Variants in C2CD3 observed in about 807,000 individuals in gnomAD.
C2CD3 encodes the protein C2 domain containing 3 centriole elongation regulator, also known as C2 domain-containing protein 3.
C2CD3 carries 148 observed loss-of-function variants against 234.0 expected under a neutral mutation model. The observed-to-expected ratio is 0.63, with a 90% CI of 0.55 to 0.72. The LOEUF is 0.72. Ranked by LOEUF, C2CD3 falls within the 30% of genes least tolerant of loss-of-function variation. The probability of loss-of-function intolerance (pLI) is 0.00; values close to 1 mark genes in which losing one functional copy is unlikely to be tolerated. For missense variants in C2CD3, 2,577 were observed against 2,811.5 expected, an observed-to-expected ratio of 0.92 and a Z score of 1.89; for synonymous variants, 1,000 against 1,035.4, an observed-to-expected ratio of 0.97 and a Z score of 0.66.
At position 74,092,593 on chromosome 11, in the gene C2CD3, A is replaced by G. The variant is rs1955938940; in HGVS notation, c.3345-5T>C. 6.2e-7 allele frequency: 1 copy of G among 1,607,922 alleles called. No homozygotes were observed. Among genetic ancestry groups the G allele is most frequent in the African/African-American group, 1.3e-5 (1 of 74,646 alleles). On this transcript the variant is annotated splice_region_variant and splice_polypyrimidine_tract_variant and intron_variant, in intron 18 of 32. Coordinates refer to ENST00000334126, the MANE Select transcript of C2CD3 (RefSeq NM_001286577.2). ...CTCACATTAGGATAATAGTATCTGT[A>G]AACCACAAAAGCACACGTTGTCAGA...
At chr11:74,146,723 C>T (rs1300117513) in intron 3 of C2CD3, among the ~76,000 whole-genome samples, 3 of 143,494 alleles carry the variant, frequency 2.1e-5, no homozygotes, top group African/African-American at 8.3e-5. Flanking sequence ...CACACACACA[C>T]ACACACACAC....
intron 25 of C2CD3, 48 bp downstream of exon 25, chr11:74,057,358 A>G (rs1954003273): frequency 1.2e-6 from 2 of 1,608,608 alleles, no homozygotes; most frequent in Non-Finnish European, 8.5e-7. Flanking sequence ...TGTGTCTTGG[A>G]ACAAAAAGCA....
At chr11:74,066,507 T>A (rs1954549588) in intron 24 of C2CD3, among the ~76,000 whole-genome samples, 1 of 152,020 alleles carries the variant, frequency 6.6e-6, no homozygotes, top group African/African-American at 2.4e-5. Flanking sequence ...TTCCATCTAC[T>A]CTGACAAGCC....
At chr11:74,028,893 G>C (rs924207248) in intron 31 of C2CD3, among the ~76,000 whole-genome samples, 2 of 152,190 alleles carry the variant, frequency 1.3e-5, no homozygotes, top group Non-Finnish European at 2.9e-5. Flanking sequence ...AGGGGATGTG[G>C]GGATTGGGAT....
chr11:74,078,200 G>A lies in C2CD3; in HGVS notation c.4518C>T (p.Pro1506=). ...AGCCAATCCAGCTGTCTGTCTGATG[G>A]GGTCTCTCCACACTGTCATTGCCAT... ...RAYGNDSVER[P]HQTDSWIGSA... is the part of the protein sequence containing the mutation. Residue 1506 remains proline (P), a synonymous_variant, in exon 23 of 33, where the codon CCC becomes CCT. Coordinates refer to ENST00000334126, the MANE Select transcript of C2CD3 (RefSeq NM_001286577.2). 1 of 1,613,998 alleles carries A rather than the reference G, an allele frequency of 6.2e-7. No homozygotes were observed. Among genetic ancestry groups the A allele is most frequent in the South Asian group, 1.1e-5 (1 of 91,066 alleles).
chr11:74,115,149 T>C (rs1217179036), intron 9 of C2CD3, among the ~76,000 whole-genome samples: 4 of 151,846 alleles, frequency 2.6e-5, no homozygotes, highest in Non-Finnish European at 5.9e-5. Flanking sequence ...TTTGAATCTA[T>C]GCTCCCAGGT....
intron 23 of C2CD3, among the ~76,000 whole-genome samples, chr11:74,075,860 T>C (rs1175128598): frequency 6.6e-6 from 1 of 152,188 alleles, no homozygotes; most frequent in Non-Finnish European, 1.5e-5. Context: ...GCTTGACGCA[T>C]TCAACAAACA....
chr11:74,167,758 C>T (rs1381748592), intron 2 of C2CD3, among the ~76,000 whole-genome samples: 1 of 152,190 alleles, frequency 6.6e-6, no homozygotes, highest in African/African-American at 2.4e-5. Flanking sequence ...GAATACTTTT[C>T]TTGTACAAAA....
intron 32 of C2CD3, among the ~76,000 whole-genome samples, chr11:74,020,764 C>A (rs1027037455): frequency 1.3e-4 from 20 of 152,236 alleles, no homozygotes; most frequent in African/African-American, 4.8e-4. Context: ...GAGGTCAAAA[C>A]TATCTTCCTA....
chr11:74,027,910 C>A (rs1181725831), intron 32 of C2CD3, among the ~76,000 whole-genome samples: 3 of 152,128 alleles, frequency 2.0e-5, no homozygotes, highest in African/African-American at 4.8e-5. Flanking sequence ...TGATATTATT[C>A]TCCTCATCCA....
chr11:74,075,377 G>C (rs530044834), intron 23 of C2CD3, among the ~76,000 whole-genome samples: 1,296 of 89,214 alleles, frequency 0.015, 12 homozygotes, highest in African/African-American at 0.05. Flanking sequence ...GGGGGGGGGT[G>C]GGGGGAAGTA....
chr11:74,104,364 T>G (rs763391691), intron 13 of C2CD3, among the ~76,000 whole-genome samples: 18 of 152,228 alleles, frequency 1.2e-4, no homozygotes, highest in Non-Finnish European at 2.1e-4. Flanking sequence ...GTATCAATGC[T>G]ATGCTGACTT....
In C2CD3 at chr11:74,095,215, T is replaced by A; in HGVS notation, c.3160+13A>T. 6.3e-7 allele frequency: 1 copy of A among 1,586,850 alleles called. No individual in the cohort carries two copies. The highest frequency in any genetic ancestry group is 1.7e-5 in the Admixed American group (1 of 57,164). On this transcript the variant is annotated intron_variant, in intron 17 of 32. Transcript: ENST00000334126. ...ACCATATAAGAATAAGAAAGCCTAA[T>A]ATCTAAACCTACCATTTTCAAGGAA... is the stretch of plus-strand genomic sequence containing the variant.
At chr11:74,109,269 TC>T (rs746388226) in intron 11 of C2CD3, 117 bp from the exon 12 acceptor site, 48 of 619,470 alleles carry the variant, frequency 7.7e-5, no homozygotes, top group Middle Eastern at 2.6e-4. Flanking sequence ...CCTGCAGAAA[TC>T]GAGTCAGTGT....
chr11:74,108,996 T>A, intron 12 of C2CD3, 38 bp downstream of exon 12: 1 of 1,000,974 alleles, frequency 1.0e-6, no homozygotes, highest in Non-Finnish European at 1.6e-6. Context: ...AAATCCCTAG[T>A]GTGAAGGTAA....
At chr11:74,069,672 C>A (rs1173425709) in intron 24 of C2CD3, among the ~76,000 whole-genome samples, 1 of 152,174 alleles carries the variant, frequency 6.6e-6, no homozygotes, top group African/African-American at 2.4e-5. Context: ...TTGAGAAGAA[C>A]CACGGTTTCC....
chr11:74,082,111 C>A (rs74786569), intron 22 of C2CD3, among the ~76,000 whole-genome samples: 2 of 149,578 alleles, frequency 1.3e-5, no homozygotes, highest in Non-Finnish European at 3.0e-5. Flanking sequence ...CAGTATGATA[C>A]TGGCTGTGGA....
intron 24 of C2CD3, among the ~76,000 whole-genome samples, chr11:74,060,153 A>C (rs1954164213): frequency 6.6e-6 from 1 of 152,206 alleles, no homozygotes; most frequent in African/African-American, 2.4e-5. Flanking sequence ...TCGCAGCTCA[A>C]GGAGGCTTGC....
At chr11:74,030,801 G>C (rs1348738038) in intron 31 of C2CD3, among the ~76,000 whole-genome samples, 1 of 152,140 alleles carries the variant, frequency 6.6e-6, no homozygotes, top group East Asian at 1.9e-4. Flanking sequence ...ACGGCAATCT[G>C]CATCGTCTCC....
Sources: allele counts gnomAD v4.1 joint callset (sites outside exome capture counted in the v4.1 genomes callset), GRCh38; gene constraint gnomAD v4.1.1; transcripts MANE v1.5; gene names NCBI Gene and HGNC (gene_info 2026-07-23, HGNC 2026-07-21).